The following ZNF701 variants were observed in gnomAD, a reference collection of about 807,000 sequenced individuals.
ZNF701 encodes the protein zinc finger protein 701.
Under a neutral mutation model 7.1 loss-of-function variants are expected in ZNF701, and 6 were observed. That is an observed-to-expected ratio of 0.84 (90% confidence interval 0.46 to 1.66). The LOEUF is 1.66. Ranked by LOEUF, ZNF701 falls within the 40% of genes most tolerant of loss-of-function variation. The pLI, the probability that ZNF701 is intolerant of heterozygous loss-of-function variation, is 0.01. For missense variants in ZNF701, 541 were observed against 559.2 expected (o/e 0.97, Z 0.33); for synonymous variants, 166 against 188.2 (o/e 0.88, Z 0.97).
downstream of ZNF701, among the ~76,000 whole-genome samples, chr19:52,591,142 C>T (rs11672353): frequency 6.6e-6 from 1 of 151,478 alleles, no homozygotes; most frequent in Non-Finnish European, 1.5e-5. Context: ...CTGGCCAAGC[C>T]CATGTTTTAT....
downstream of ZNF701, among the ~76,000 whole-genome samples, chr19:52,587,538 T>A (rs1319206313): frequency 6.6e-6 from 1 of 152,178 alleles, no homozygotes; most frequent in African/African-American, 2.4e-5. Context: ...CTTTGTGATC[T>A]CCCACAGCCC....
At chr19:52,599,264 C>T in the ZNF701 span, among the ~76,000 whole-genome samples, 2 of 151,664 alleles carry the variant, frequency 1.3e-5, no homozygotes, top group Non-Finnish European at 2.9e-5. Flanking sequence ...TTTTGAAGGA[C>T]TTGGGAGCTC....
the ZNF701 span, chr19:52,595,592 AC>A: frequency 1.0e-6 from 1 of 993,878 alleles, no homozygotes; most frequent in Non-Finnish European, 1.5e-6. Context: ...TTAATTGGAA[AC>A]CTATTGGTCT....
At chr19:52,571,500 T>G (rs868059184) in intron 1 of ZNF701, among the ~76,000 whole-genome samples, 3 of 152,062 alleles carry the variant, frequency 2.0e-5, no homozygotes, top group Non-Finnish European at 4.4e-5. Context: ...AGAGATTAAA[T>G]AAGACGTGAG....
At chr19:52,592,548 C>G in the ZNF701 span, among the ~76,000 whole-genome samples, 1 of 152,178 alleles carries the variant, frequency 6.6e-6, no homozygotes, top group East Asian at 1.9e-4. Context: ...TAGAAAGCAT[C>G]ACACTGACTG....
chr19:52,588,226 A>G (rs572495531), downstream of ZNF701, among the ~76,000 whole-genome samples: 8 of 144,320 alleles, frequency 5.5e-5, no homozygotes, highest in South Asian at 2.0e-3. Context: ...AGTGGCTCAC[A>G]TCTGGAATCC....
chr19:52,595,911 C>T, the ZNF701 span: 27 of 1,613,010 alleles, frequency 1.7e-5, 1 homozygote, highest in South Asian at 1.2e-4. Flanking sequence ...AGCTTTCATT[C>T]GCATCTGCCT....
chr19:52,582,120 T>C, intron 3 of ZNF701, 82 bp from the exon 4 acceptor site: 1 of 1,249,388 alleles, frequency 8.0e-7, no homozygotes, highest in Non-Finnish European at 1.1e-6. Flanking sequence ...ATAAGTATTG[T>C]TTTTTATGTA....
chr19:52,572,503 A>G (rs2059907765), intron 1 of ZNF701: 1 of 841,080 alleles, frequency 1.2e-6, no homozygotes, highest in Non-Finnish European at 1.6e-6. Flanking sequence ...TATGTGAAAG[A>G]GGCTTCTCTA....
intron 3 of ZNF701, among the ~76,000 whole-genome samples, chr19:52,578,963 G>A (rs944036145): frequency 7.0e-5 from 10 of 143,302 alleles, no homozygotes; most frequent in African/African-American, 1.8e-4. Flanking sequence ...TTTCACCGTG[G>A]TCTCAATCTC....
rs1292121985 is a variant in ZNF701 at position 52,586,710 on chromosome 19, G to C, written c.*3253G>C. On this transcript the variant is annotated 3_prime_UTR_variant, in exon 4 of 4. Coordinates refer to ENST00000391785, the MANE Select transcript of ZNF701 (RefSeq NM_018260.3). Reference sequence around the variant, plus strand: ...GCTGTGAACCTCAGTGAGCCCACCTGTAATATACAGGTGAGGGAGAAGACC... The same window carrying C: ...GCTGTGAACCTCAGTGAGCCCACCTCTAATATACAGGTGAGGGAGAAGACC... 6.6e-6 allele frequency: 1 copy of C among 152,164 alleles called. No individual in the cohort carries two copies. The highest frequency in any genetic ancestry group is 1.5e-5 in the Non-Finnish European group (1 of 68,046). The allele number at this position is 152,164 out of a possible 1,614,324, so 9.4% of individuals were successfully genotyped here.
intron 3 of ZNF701, among the ~76,000 whole-genome samples, chr19:52,581,113 C>T (rs1354027268): frequency 6.6e-6 from 1 of 151,910 alleles, no homozygotes; most frequent in Non-Finnish European, 1.5e-5. Context: ...CAGAGTGAGA[C>T]TCCATCTCAA....
intron 1 of ZNF701, chr19:52,572,207 A>G (rs188937048): frequency 3.0e-5 from 10 of 328,708 alleles, no homozygotes; most frequent in Middle Eastern, 1.6e-3. Flanking sequence ...GGCAAGTGCC[A>G]CAACATCTAG....
intron 3 of ZNF701, among the ~76,000 whole-genome samples, chr19:52,578,809 G>C (rs1425875893): frequency 6.6e-6 from 1 of 152,174 alleles, no homozygotes; most frequent in Non-Finnish European, 1.5e-5. Flanking sequence ...CCAGGCTGGA[G>C]TGCAGTGGTG....
At chr19:52,580,233 G>A (rs1003619957) in intron 3 of ZNF701, among the ~76,000 whole-genome samples, 5 of 151,662 alleles carry the variant, frequency 3.3e-5, no homozygotes, top group South Asian at 2.1e-4. Context: ...GTGAGCCACC[G>A]CGCCCAGCCT....
chr19:52,593,821 C>T, the ZNF701 span, among the ~76,000 whole-genome samples: 2 of 112,756 alleles, frequency 1.8e-5, no homozygotes, highest in East Asian at 4.6e-4. Context: ...AGAGACGCTC[C>T]TCACTTTCCA....
At chr19:52,597,568 G>A in the ZNF701 span, 4 of 364,030 alleles carry the variant, frequency 1.1e-5, no homozygotes, top group South Asian at 8.5e-5. Context: ...TGGGCCAGGT[G>A]GGGTGGCTCA....
the ZNF701 span, among the ~76,000 whole-genome samples, chr19:52,594,545 C>T: frequency 1.3e-5 from 2 of 150,558 alleles, no homozygotes; most frequent in African/African-American, 4.9e-5. Context: ...CAGAGTTTCA[C>T]TCTTGTTGCC....
the ZNF701 span, among the ~76,000 whole-genome samples, chr19:52,592,823 A>G: frequency 8.2e-5 from 4 of 48,802 alleles, no homozygotes; most frequent in East Asian, 3.8e-4. Flanking sequence ...GGTGTTTCTC[A>G]CAGAGGGGGA....
Sources: allele counts gnomAD v4.1 joint callset (sites outside exome capture counted in the v4.1 genomes callset), GRCh38; gene constraint gnomAD v4.1.1; transcripts MANE v1.5; gene names NCBI Gene and HGNC (gene_info 2026-07-23, HGNC 2026-07-21).